The following NSUN6 variants were observed in gnomAD, a reference collection of about 807,000 sequenced individuals.
The protein encoded by NSUN6 is NOP2/Sun RNA methyltransferase 6, also known as tRNA (cytosine(72)-C(5))-methyltransferase NSUN6.
A neutral mutation model predicts 58.0 loss-of-function variants in NSUN6; 64 were observed. The ratio of observed to expected loss-of-function variants is 1.10; its 90% CI spans 0.90 to 1.36. The LOEUF (loss-of-function observed/expected upper bound fraction) is 1.36, where lower values mean the gene tolerates loss of function less well. NSUN6 is among the 40% of genes most tolerant of loss of function. NSUN6 has a pLI of 0.00. For synonymous variants in NSUN6, 231 were observed against 193.9 expected, an observed-to-expected ratio of 1.19 and a Z score of -1.59; for missense variants, 701 against 550.1, an observed-to-expected ratio of 1.27 and a Z score of -2.74.
At chr10:18,649,522 G>C (rs1361782209) in intron 1 of NSUN6, among the ~76,000 whole-genome samples, 3 of 151,964 alleles carry the variant, frequency 2.0e-5, no homozygotes, top group Non-Finnish European at 4.4e-5. Flanking sequence ...CAGCTACTCG[G>C]GAGGCTGAGG....
rs540896765 is a variant in NSUN6 at position 18,563,199 on chromosome 10, T to C, written c.923-11228A>G. 2.8e-5 allele frequency among the ~76,000 whole-genome samples: 4 copies of C among 141,788 alleles called. No homozygotes were observed. In the South Asian group the frequency reaches 8.9e-4, roughly 32 times the overall value. 93.0% of individuals were successfully genotyped at this position (141,788 alleles called of 152,430 possible). On this transcript the variant is annotated intron_variant, in intron 8 of 10. Coordinates refer to ENST00000377304, the MANE Select transcript of NSUN6 (RefSeq NM_182543.5). ...GAATGGAGAATGGTATGGAATGGAA[T>C]GGAGAATGGTATGGAATGGAATGGA...
rs1301245296 is a variant in NSUN6, at chr10:18,565,875, G to A, written c.923-13904C>T. On this transcript the variant is annotated intron_variant, in intron 8 of 10. Transcript: ENST00000377304. ...TCTATTCTCCATTCCAGTTCATTCT[G>A]CATTCCATTCCATTCTCCATTCCAT... Among the ~76,000 whole-genome samples, 10 of 133,980 alleles carry A rather than the reference G, an allele frequency of 7.5e-5. 1 individual carries two copies. Among genetic ancestry groups the A allele is most frequent in the Non-Finnish European group, 1.3e-4 (8 of 62,080 alleles). 87.9% of individuals were successfully genotyped at this position (133,980 alleles called of 152,430 possible). A position where few individuals can be genotyped will look rare whatever the true frequency, so the allele number is the denominator to read the frequency against.
intron 3 of NSUN6, among the ~76,000 whole-genome samples, chr10:18,625,299 C>T (rs867951194): frequency 6.6e-6 from 1 of 152,126 alleles, no homozygotes; most frequent in African/African-American, 2.4e-5. Flanking sequence ...GCCAGAAACA[C>T]AGCACACAAA....
intron 8 of NSUN6, among the ~76,000 whole-genome samples, chr10:18,562,852 G>T (rs1220682100): frequency 1.4e-5 from 2 of 146,964 alleles, no homozygotes; most frequent in Non-Finnish European, 3.0e-5. Context: ...GTGGAATGGA[G>T]ATTCTTATGA....
rs566702115 is a variant in NSUN6 at position 18,552,167 on chromosome 10, GTAGT to G, written c.923-200_923-197del. ...TTGATGTGGTAGAAAGGTTTAAAAT[GTAGT>G]TATAGTTGAAAAGTTATTCTGTTGA... On this transcript the variant is annotated intron_variant, in intron 8 of 10. Coordinates refer to ENST00000377304, the MANE Select transcript of NSUN6 (RefSeq NM_182543.5). Among the ~76,000 whole-genome samples the G allele has an allele frequency of 5.8e-4, 44 of 76,422 alleles. 1 individual carries two copies. The South Asian group carries it at 0.022, about 38-fold the overall frequency. The allele number at this position is 76,422 out of a possible 152,430, so 50.1% of individuals were successfully genotyped here.
At chr10:18,602,883 A>G (rs969737813) in intron 6 of NSUN6, among the ~76,000 whole-genome samples, 4 of 152,252 alleles carry the variant, frequency 2.6e-5, no homozygotes, top group South Asian at 2.1e-4. Flanking sequence ...GGAAGTAGCT[A>G]CAAGTGGTAA....
intron 8 of NSUN6, among the ~76,000 whole-genome samples, chr10:18,558,967 T>C (rs1388637883): frequency 1.4e-5 from 2 of 146,222 alleles, no homozygotes; most frequent in Admixed American, 6.9e-5. Flanking sequence ...GAAGGGAGAA[T>C]GGAAAAGAAT....
At chr10:18,651,805 G>C (rs1181803888), upstream of NSUN6, 5 of 985,316 alleles carry the variant, frequency 5.1e-6, no homozygotes, top group East Asian at 5.7e-4. Flanking sequence ...CCCGCGGGCG[G>C]GATGGTCAAA....
chr10:18,559,382 A>T (rs1271910407), intron 8 of NSUN6, among the ~76,000 whole-genome samples: 3 of 149,944 alleles, frequency 2.0e-5, no homozygotes, highest in Non-Finnish European at 4.5e-5. Flanking sequence ...TGGAAGGGAG[A>T]ATATAATGGA....
At chr10:18,647,765 C>T (rs1019669135) in intron 2 of NSUN6, among the ~76,000 whole-genome samples, 3 of 119,546 alleles carry the variant, frequency 2.5e-5, no homozygotes, top group Non-Finnish European at 3.2e-5. Context: ...GACAGAGTCT[C>T]ATTCCATCGC....
At chr10:18,658,627 T>A, upstream of NSUN6, 2 of 968,156 alleles carry the variant, frequency 2.1e-6, no homozygotes, top group Non-Finnish European at 2.5e-6. Context: ...TATTATTATG[T>A]GTTATTATTA....
chr10:18,623,126 A>G (rs992196817), intron 3 of NSUN6, among the ~76,000 whole-genome samples: 1 of 152,242 alleles, frequency 6.6e-6, no homozygotes, highest in African/African-American at 2.4e-5. Flanking sequence ...AAACTGAAGA[A>G]AGCAAAATTT....
Position 18,583,682 on chromosome 10 carries a change from G to A in NSUN6, c.922+2267C>T, listed in dbSNP as rs1177437762. Among the ~76,000 whole-genome samples, 4 of 152,108 alleles carry A rather than the reference G, an allele frequency of 2.6e-5. No homozygotes were observed. The East Asian group carries it at 7.7e-4, about 29-fold the overall frequency. ...TTTCATCAAATAGAGAATATCAATAGAGGGAAATTTTTAAAAAAGGATATC... is the reference window on the plus strand; with the variant it reads ...TTTCATCAAATAGAGAATATCAATAAAGGGAAATTTTTAAAAAAGGATATC... On this transcript the variant is annotated intron_variant, in intron 8 of 10. Transcript: ENST00000377304.
chr10:18,579,853 G>A (rs190192702), intron 8 of NSUN6, among the ~76,000 whole-genome samples: 1 of 152,210 alleles, frequency 6.6e-6, no homozygotes, highest in East Asian at 1.9e-4. Context: ...TAAACAATAG[G>A]GGAGAGAAGG....
intron 8 of NSUN6, among the ~76,000 whole-genome samples, chr10:18,564,116 C>A (rs1018924614): frequency 2.0e-5 from 3 of 150,640 alleles, no homozygotes; most frequent in Non-Finnish European, 4.5e-5. Flanking sequence ...TTCCATTCTC[C>A]ATTATATTCC....
chr10:18,635,875 A>G (rs207470727), intron 3 of NSUN6, among the ~76,000 whole-genome samples: 15 of 151,190 alleles, frequency 9.9e-5, no homozygotes, highest in African/African-American at 3.7e-4. Flanking sequence ...AAAAAGACAA[A>G]GAAGAACTAA....
At chr10:18,649,518 C>T (rs1050706333) in intron 1 of NSUN6, among the ~76,000 whole-genome samples, 3 of 151,778 alleles carry the variant, frequency 2.0e-5, no homozygotes, top group Non-Finnish European at 2.9e-5. Context: ...GTCCCAGCTA[C>T]TCGGGAGGCT....
intron 8 of NSUN6, among the ~76,000 whole-genome samples, chr10:18,568,865 A>G (rs1312314634): frequency 1.4e-5 from 2 of 138,292 alleles, no homozygotes; most frequent in Non-Finnish European, 3.1e-5. Flanking sequence ...ATTCCTTTCT[A>G]TTCTCCACTC....
intron 1 of NSUN6, among the ~76,000 whole-genome samples, chr10:18,650,310 T>G (rs528432266): frequency 5.9e-5 from 9 of 152,210 alleles, no homozygotes; most frequent in African/African-American, 2.2e-4. Context: ...TAAAATGGAA[T>G]AGACAACAGG....
Sources: gnomAD v4.1 joint callset for allele counts (sites outside exome capture counted in the v4.1 genomes callset) on GRCh38, gnomAD v4.1.1 for gene constraint, MANE v1.5 for transcripts, NCBI Gene and HGNC (gene_info 2026-07-23, HGNC 2026-07-21) for gene names.